The following SKAP1 variants were observed in gnomAD, a reference collection of about 807,000 sequenced individuals.
SKAP1 encodes the protein src kinase-associated phosphoprotein 1.
SKAP1 carries 44 observed loss-of-function variants against 58.5 expected under a neutral mutation model. That is an observed-to-expected ratio of 0.75 (90% confidence interval 0.59 to 0.97). The LOEUF is 0.97. Among genes scored for constraint, SKAP1 ranks in the 50% least tolerant of loss-of-function variants. The pLI is 0.00. For missense variants in SKAP1, 390 were observed against 435.2 expected (o/e 0.90, Z 0.92); for synonymous variants, 127 against 149.7 (o/e 0.85, Z 1.11).
At chr17:48,147,988 G>A (rs1055507303) in intron 11 of SKAP1, among the ~76,000 whole-genome samples, 1 of 151,440 alleles carries the variant, frequency 6.6e-6, no homozygotes, top group African/African-American at 2.4e-5. Context: ...GGTGGGTCAT[G>A]GTGACAACTC....
At chr17:48,155,074 A>C (rs1004482513) in intron 11 of SKAP1, among the ~76,000 whole-genome samples, 19 of 152,098 alleles carry the variant, frequency 1.2e-4, no homozygotes, top group African/African-American at 4.3e-4. Flanking sequence ...TCTCAAAAAA[A>C]AAAAAAAGTT....
At chr17:48,349,746 T>C (rs1412412678) in intron 3 of SKAP1, among the ~76,000 whole-genome samples, 1 of 152,206 alleles carries the variant, frequency 6.6e-6, no homozygotes, top group Admixed American at 6.5e-5. Flanking sequence ...TCAATTTCAT[T>C]CATGCTCCAC....
chr17:48,438,030 C>T, the SKAP1 span, among the ~76,000 whole-genome samples: 2 of 152,116 alleles, frequency 1.3e-5, no homozygotes, highest in African/African-American at 4.8e-5. Flanking sequence ...TCCCATGCCA[C>T]CCCTCATATA....
chr17:48,197,602 T>C (rs8075144), intron 4 of SKAP1, among the ~76,000 whole-genome samples: 71 of 152,184 alleles, frequency 4.7e-4, no homozygotes, highest in African/African-American at 1.5e-3. Flanking sequence ...GGCAGGAGGA[T>C]TGCTTGAGCC....
At chr17:48,223,643 A>G (rs774021519) in intron 4 of SKAP1, among the ~76,000 whole-genome samples, 1 of 152,222 alleles carries the variant, frequency 6.6e-6, no homozygotes, top group African/African-American at 2.4e-5. Flanking sequence ...ATTTCCATCA[A>G]TCAAGTCTAG....
At chr17:48,432,345 C>T (rs527297058), upstream of SKAP1, among the ~76,000 whole-genome samples, 16 of 152,070 alleles carry the variant, frequency 1.1e-4, no homozygotes, top group African/African-American at 3.4e-4. Flanking sequence ...AGGAGAATCA[C>T]ATGAACCCGG....
At chr17:48,406,205 C>T (rs972759635) in intron 1 of SKAP1, among the ~76,000 whole-genome samples, 1 of 151,642 alleles carries the variant, frequency 6.6e-6, no homozygotes, top group Non-Finnish European at 1.5e-5. Flanking sequence ...GCGGAGGTTG[C>T]AGTGAGCCGA....
At chr17:48,160,761 G>T (rs1273149321) in intron 11 of SKAP1, among the ~76,000 whole-genome samples, 2 of 152,218 alleles carry the variant, frequency 1.3e-5, no homozygotes, top group African/African-American at 4.8e-5. Context: ...CAGTTAATTT[G>T]TTCACCTGCA....
At chr17:48,271,365 T>TC (rs1235148964) in intron 4 of SKAP1, among the ~76,000 whole-genome samples, 7 of 140,208 alleles carry the variant, frequency 5.0e-5, no homozygotes, top group Non-Finnish European at 9.4e-5. Context: ...TTTGTTTCTT[T>TC]TTTTTTTTTT....
At chr17:48,280,124 T>C (rs895467758) in intron 4 of SKAP1, among the ~76,000 whole-genome samples, 1 of 152,192 alleles carries the variant, frequency 6.6e-6, no homozygotes, top group Non-Finnish European at 1.5e-5. Context: ...CTGGAAAACA[T>C]ATTTTGTATG....
chr17:48,227,773 G>A (rs1465373916), intron 4 of SKAP1, among the ~76,000 whole-genome samples: 1 of 152,198 alleles, frequency 6.6e-6, no homozygotes, highest in African/African-American at 2.4e-5. Flanking sequence ...TGCAGCCAGA[G>A]AGCCTGCTCT....
chr17:48,380,117 A>G (rs1478716079), intron 2 of SKAP1: 12 of 152,236 alleles, frequency 7.9e-5, no homozygotes, highest in East Asian at 3.8e-4. Context: ...CTCTGTGGCT[A>G]TATCAGTACA....
intron 2 of SKAP1, among the ~76,000 whole-genome samples, chr17:48,367,132 C>T (rs903635952): frequency 7.9e-5 from 12 of 152,116 alleles, no homozygotes; most frequent in African/African-American, 2.9e-4. Flanking sequence ...TTTCTCTTGT[C>T]AGTCGAGAAG....
At chr17:48,257,679 G>A (rs1482694216) in intron 4 of SKAP1, among the ~76,000 whole-genome samples, 2 of 132,812 alleles carry the variant, frequency 1.5e-5, no homozygotes, top group Non-Finnish European at 3.1e-5. Context: ...TAGTCCTGGT[G>A]CCTGAATTTG....
At chr17:48,314,964 T>C (rs896269420) in intron 4 of SKAP1, among the ~76,000 whole-genome samples, 5 of 152,160 alleles carry the variant, frequency 3.3e-5, no homozygotes, top group African/African-American at 1.2e-4. Flanking sequence ...ATAAGGGCCT[T>C]TGTTAATATA....
intron 4 of SKAP1, among the ~76,000 whole-genome samples, chr17:48,201,159 A>G (rs1454861840): frequency 6.6e-6 from 1 of 152,180 alleles, no homozygotes; most frequent in African/African-American, 2.4e-5. Flanking sequence ...CTCGTATCAC[A>G]GCGCTGAGAA....
chr17:48,145,352 C>T (rs1241349416), intron 11 of SKAP1, among the ~76,000 whole-genome samples: 1 of 150,736 alleles, frequency 6.6e-6, no homozygotes, highest in Non-Finnish European at 1.5e-5. Flanking sequence ...CCATCAGCAA[C>T]AATCAAAGTG....
At chr17:48,289,400 T>A (rs74912005) in intron 4 of SKAP1, among the ~76,000 whole-genome samples, 3,705 of 152,264 alleles carry the variant, frequency 0.024, 63 homozygotes, top group Middle Eastern at 0.037. Context: ...ACTGATCAAA[T>A]TTTGCACTGT....
At chr17:48,140,472 C>A (rs567385920) in intron 11 of SKAP1, among the ~76,000 whole-genome samples, 12 of 152,170 alleles carry the variant, frequency 7.9e-5, no homozygotes, top group Non-Finnish European at 1.6e-4. Flanking sequence ...TTTACTAGAG[C>A]AATCCCATAT....
Sources: gnomAD v4.1 joint callset for allele counts (sites outside exome capture counted in the v4.1 genomes callset) on GRCh38, gnomAD v4.1.1 for gene constraint, MANE v1.5 for transcripts, NCBI Gene and HGNC (gene_info 2026-07-23, HGNC 2026-07-21) for gene names.